ASPG: variants seen among roughly 807,000 people sequenced by gnomAD.
The protein encoded by ASPG is asparaginase.
A neutral mutation model predicts 63.2 loss-of-function variants in ASPG; 53 were observed. The observed-to-expected ratio is 0.84, with a 90% CI of 0.67 to 1.05. ASPG has a LOEUF of 1.05. ASPG is among the 50% of genes least tolerant of loss of function. The pLI, the probability that ASPG is intolerant of heterozygous loss-of-function variation, is 0.00. For synonymous variants in ASPG, 370 were observed against 355.0 expected (o/e 1.04, Z -0.48); for missense variants, 741 against 794.4 (o/e 0.93, Z 0.81).
In ASPG at chr14:104,085,769, G is replaced by T; in HGVS notation, c.-2G>T. 6.3e-7 allele frequency: 1 copy of T among 1,576,664 alleles called. No individual in the cohort carries two copies. The stretch of plus-strand genomic sequence containing the variant: ...GTCCACTCCCGTGGTCCCCGGTCCG[G>T]CATGGCGCGCGCGGTGGGGCCCGAG... On this transcript the variant is annotated 5_prime_UTR_variant, in exon 1 of 16. Coordinates refer to ENST00000551177, the MANE Select transcript of ASPG (RefSeq NM_001080464.3).
intron 3 of ASPG, among the ~76,000 whole-genome samples, chr14:104,094,450 AC>A (rs199866068): frequency 0.022 from 3,276 of 147,696 alleles, 67 homozygotes; most frequent in Middle Eastern, 0.038. Flanking sequence ...AGGCAGAACC[AC>A]CCCCCGCCCC....
chr14:104,099,127 T>G lies in ASPG; in HGVS notation c.640+148T>G, dbSNP rs1046417495. Reference sequence around the variant, plus strand: ...GCCCTGGCTTGGTTCTGCCCTGGGCTGTGGAGAAGCCAGGGCTGCGTGGAC... The same window carrying G: ...GCCCTGGCTTGGTTCTGCCCTGGGCGGTGGAGAAGCCAGGGCTGCGTGGAC... On this transcript the variant is annotated intron_variant, in intron 6 of 15. Coordinates refer to ENST00000551177, the MANE Select transcript of ASPG (RefSeq NM_001080464.3). The G allele has an allele frequency of 6.0e-6, 8 of 1,328,386 alleles. No individual in the cohort carries two copies. In the African/African-American group the frequency reaches 1.2e-4, roughly 19 times the overall value. The allele number at this position is 1,328,386 out of a possible 1,614,324, so 82.3% of individuals were successfully genotyped here. A position where few individuals can be genotyped will look rare whatever the true frequency, so the allele number is the denominator to read the frequency against.
intron 10 of ASPG, 125 bp from the exon 11 acceptor site, chr14:104,106,674 C>A: frequency 2.3e-6 from 2 of 859,452 alleles, no homozygotes; most frequent in Non-Finnish European, 3.6e-6. Flanking sequence ...TCCTTCTCAC[C>A]CACGCCCTGG....
Position 104,103,656 on chromosome 14 carries a change from C to T in ASPG, c.734C>T (p.Pro245Leu). 6.5e-7 allele frequency: 1 copy of T among 1,547,926 alleles called. No individual in the cohort carries two copies. The highest frequency in any genetic ancestry group is 8.7e-7 in the Non-Finnish European group (1 of 1,146,662). ...EQDVGLLRLY[P>L]GIPAALVRAF... ...GACGTGGGCCTGCTGCGCCTCTACC[C>T]TGGGATCCCTGCCGCCCTGGTAGGG... Residue 245 changes from proline (P) to leucine (L), a missense_variant, in exon 7 of 16, where the codon CCT (proline) becomes CTT (leucine). Physicochemically the swap from Pro to Leu is moderately conservative, Grantham distance 98 (BLOSUM62 -3). Transcript: ENST00000551177.
At chr14:104,107,093 C>A in intron 11 of ASPG, 89 bp from the exon 12 acceptor site, 1 of 1,479,134 alleles carries the variant, frequency 6.8e-7, no homozygotes, top group Non-Finnish European at 9.1e-7. Flanking sequence ...GTGCTGGGCC[C>A]TACCCTCAGA....
chr14:104,109,293 G>A lies in ASPG; in HGVS notation c.1498G>A (p.Glu500Lys), dbSNP rs777675577. The change falls in exon 13 of 16, where the codon GAA becomes AAA. Residue 500 changes from glutamate (E) to lysine (K), a missense_variant. Physicochemically the swap from Glu to Lys is moderately conservative, Grantham distance 56 (BLOSUM62 1). Coordinates refer to ENST00000551177, the MANE Select transcript of ASPG (RefSeq NM_001080464.3). The surrounding 1 kb of genome is among the most constrained non-coding windows in gnomAD (Gnocchi z 4.8). ...CTCCCTGTCCACCCAGGAGCTGGAG[G>A]AAGCAGGGACGGAGCTGTGCAGGTG... is the stretch of plus-strand genomic sequence containing the variant. ...GASLSTQELE[E>K]AGTELCRLAY... is the part of the protein sequence containing the mutation. The A allele has an allele frequency of 2.3e-5, 37 of 1,612,374 alleles. No homozygotes were observed. Among genetic ancestry groups the A allele is most frequent in the Non-Finnish European group, 2.9e-5 (34 of 1,179,536 alleles).
chr14:104,110,494 T>A lies in ASPG; in HGVS notation c.1521-1008T>A. 1 of 985,256 alleles carries A rather than the reference T, an allele frequency of 1.0e-6. No homozygotes were observed. Among genetic ancestry groups the A allele is most frequent in the Non-Finnish European group, 1.2e-6 (1 of 829,836 alleles). The allele number at this position is 985,256 out of a possible 1,614,324, so 61.0% of individuals were successfully genotyped here. On this transcript the variant is annotated intron_variant, in intron 13 of 15. Coordinates refer to ENST00000551177, the MANE Select transcript of ASPG (RefSeq NM_001080464.3). The surrounding 1 kb of genome is among the most constrained non-coding windows in gnomAD (Gnocchi z 4.7). ...TGGGACCAGAACCCTGGTCCAGGAC[T>A]CTGCTTGGAAGTGGCCTGGCCAGCC...
chr14:104,109,410 G>A lies in ASPG; in HGVS notation c.1520+95G>A. On this transcript the variant is annotated intron_variant, in intron 13 of 15. Coordinates refer to ENST00000551177, the MANE Select transcript of ASPG (RefSeq NM_001080464.3). The surrounding 1 kb of genome is among the most constrained non-coding windows in gnomAD (Gnocchi z 4.8). ...CTGCTGGGAGGGACAAGTGAGTCAG[G>A]GTGTGGGGGCTTTCAGAGGCGAGGC... 7.3e-7 allele frequency: 1 copy of A among 1,376,078 alleles called. No individual in the cohort carries two copies. Among genetic ancestry groups the A allele is most frequent in the South Asian group, 1.4e-5 (1 of 70,652 alleles). The allele number at this position is 1,376,078 out of a possible 1,614,324, so 85.2% of individuals were successfully genotyped here.
Position 104,106,779 on chromosome 14 carries a change from G to A in ASPG, c.1174-20G>A, listed in dbSNP as rs972032329. 3.4e-5 allele frequency: 53 copies of A among 1,566,506 alleles called. No homozygotes were observed. Among genetic ancestry groups the A allele is most frequent in the Non-Finnish European group, 4.5e-5 (52 of 1,156,058 alleles). ...GCCAAAGGGAGGCGTGGGTCCCAGG[G>A]TGCCGCCTTCCCCACCTAGGAGGCA... On this transcript the variant is annotated intron_variant, in intron 10 of 15. Coordinates refer to ENST00000551177, the MANE Select transcript of ASPG (RefSeq NM_001080464.3).
chr14:104,095,961 C>T (rs2036578602), intron 4 of ASPG, among the ~76,000 whole-genome samples: 1 of 152,146 alleles, frequency 6.6e-6, no homozygotes, highest in Non-Finnish European at 1.5e-5. Flanking sequence ...TCCTCTCCTC[C>T]CGATGCTTCC....
At position 104,107,229 on chromosome 14, in the gene ASPG, C is replaced by G. The variant is rs373207152; in HGVS notation, c.1317C>G (p.His439Gln). The G allele has an allele frequency of 2.9e-5, 47 of 1,604,026 alleles. No homozygotes were observed. In the African/African-American group the frequency reaches 5.7e-4, roughly 20 times the overall value. The change falls in exon 12 of 16, where the codon CAC becomes CAG. Residue 439 changes from histidine (H) to glutamine (Q), a missense_variant. His to Gln is a conservative substitution (Grantham distance 24, BLOSUM62 0). Coordinates refer to ENST00000551177, the MANE Select transcript of ASPG (RefSeq NM_001080464.3). ...LVDFNGQTPL[H>Q]AAARGGHTEA... ...ACTTTAACGGCCAAACCCCACTGCA[C>G]GCGGCCGCCCGGGGAGGCCACACAG... is the stretch of plus-strand genomic sequence containing the variant.
At chr14:104,087,963 G>A (rs542827257) in intron 1 of ASPG, among the ~76,000 whole-genome samples, 3 of 152,344 alleles carry the variant, frequency 2.0e-5, no homozygotes, top group African/African-American at 7.2e-5. Flanking sequence ...AGATCCCTTG[G>A]TGCTCTGTGC....
intron 12 of ASPG, chr14:104,108,750 G>C: frequency 1.0e-6 from 1 of 985,406 alleles, no homozygotes; most frequent in Non-Finnish European, 1.2e-6. Context: ...AGGGCAGTCG[G>C]CCGGATTGAT....
At chr14:104,097,501 T>A in intron 4 of ASPG, 53 bp from the exon 5 acceptor site, 2 of 1,512,628 alleles carry the variant, frequency 1.3e-6, no homozygotes, top group South Asian at 1.2e-5. Context: ...GAGCCAGACA[T>A]CCCAGGCTTC....
At chr14:104,103,838 GTCCTC>G (rs2036993458) in intron 7 of ASPG, among the ~76,000 whole-genome samples, 163 bp downstream of exon 7, 1 of 152,224 alleles carries the variant, frequency 6.6e-6, no homozygotes, top group Non-Finnish European at 1.5e-5. Context: ...CCTGTCCCCT[GTCCTC>G]CGTCGTGGTG....
Position 104,085,763 on chromosome 14 carries a change from G to A in ASPG, c.-8G>A. 1.3e-6 allele frequency: 2 copies of A among 1,572,128 alleles called. No homozygotes were observed. Among genetic ancestry groups the A allele is most frequent in the South Asian group, 1.1e-5 (1 of 87,070 alleles). On this transcript the variant is annotated 5_prime_UTR_variant, in exon 1 of 16. Coordinates refer to ENST00000551177, the MANE Select transcript of ASPG (RefSeq NM_001080464.3). The stretch of plus-strand genomic sequence containing the variant: ...ACCCCCGTCCACTCCCGTGGTCCCC[G>A]GTCCGGCATGGCGCGCGCGGTGGGG...
At chr14:104,097,404 C>T in intron 4 of ASPG, 150 bp from the exon 5 acceptor site, 1 of 700,058 alleles carries the variant, frequency 1.4e-6, no homozygotes, top group Non-Finnish European at 2.3e-6. Flanking sequence ...TCCAGGCTGC[C>T]TGCTGCAGTC....
At chr14:104,099,366 C>T (rs1193725055) in intron 6 of ASPG, among the ~76,000 whole-genome samples, 2 of 152,204 alleles carry the variant, frequency 1.3e-5, no homozygotes, top group Admixed American at 6.5e-5. Context: ...GTCTTTCTGT[C>T]CTCTGGTTCC....
intron 9 of ASPG, chr14:104,105,095 G>A: frequency 3.1e-6 from 2 of 637,142 alleles, no homozygotes; most frequent in Non-Finnish European, 5.4e-6. Flanking sequence ...CAGCCTCTGG[G>A]GCTGGACGGA....
Sources: gnomAD v4.1 joint callset for allele counts (sites outside exome capture counted in the v4.1 genomes callset) on GRCh38, gnomAD v4.1.1 for gene constraint, Gnocchi (gnomAD v3.1) non-coding constraint, MANE v1.5 for transcripts, NCBI Gene and HGNC (gene_info 2026-07-23, HGNC 2026-07-21) for gene names.